TCF4: variants seen among roughly 807,000 people sequenced by gnomAD.
TCF4 encodes the protein transcription factor 4, also known as SL3-3 enhancer factor 2.
Under a neutral mutation model 82.1 loss-of-function variants are expected in TCF4, and 3 were observed. That is an observed-to-expected ratio of 0.04 (90% CI 0.02 to 0.09). The LOEUF is 0.09. Among genes scored for constraint, TCF4 ranks in the 10% least tolerant of loss-of-function variants. The pLI, the probability that TCF4 is intolerant of heterozygous loss-of-function variation, is 1.00. For synonymous variants in TCF4, 276 were observed against 309.6 expected, an observed-to-expected ratio of 0.89 and a Z score of 1.14; for missense variants, 518 against 852.7, an observed-to-expected ratio of 0.61 and a Z score of 4.89.
intron 8 of TCF4, among the ~76,000 whole-genome samples, chr18:55,309,435 T>G (rs954807095): frequency 6.6e-6 from 1 of 152,178 alleles, no homozygotes; most frequent in Non-Finnish European, 1.5e-5. Context: ...ATTTGAATGT[T>G]AATAGCCACA....
chr18:55,307,089 T>C (rs191621157), intron 8 of TCF4, among the ~76,000 whole-genome samples: 1 of 152,310 alleles, frequency 6.6e-6, no homozygotes, highest in East Asian at 1.9e-4. Context: ...TTCCCACACA[T>C]TGTACATCAA....
At chr18:55,461,511 T>C (rs2095867179) in intron 4 of TCF4, among the ~76,000 whole-genome samples, 1 of 152,204 alleles carries the variant, frequency 6.6e-6, no homozygotes. Context: ...AGGCATAGCA[T>C]GCAATGAATT....
chr18:55,261,984 C>T (rs1049020326), intron 11 of TCF4, among the ~76,000 whole-genome samples: 1 of 152,190 alleles, frequency 6.6e-6, no homozygotes, highest in Non-Finnish European at 1.5e-5. Context: ...GTATTCGTCT[C>T]ACAGTCCTAC....
upstream of TCF4, chr18:55,589,827 C>G: frequency 9.9e-7 from 1 of 1,005,132 alleles, no homozygotes; most frequent in Non-Finnish European, 1.2e-6. Context: ...GCTGCGGCCG[C>G]GGCTGCTCCT....
intron 3 of TCF4, chr18:55,496,398 CA>C (rs2096636310): frequency 1.5e-5 from 2 of 130,620 alleles, no homozygotes; most frequent in African/African-American, 5.4e-5. Flanking sequence ...TCCAGTAAAA[CA>C]AAAAAACTAA....
intron 6 of TCF4, among the ~76,000 whole-genome samples, chr18:55,355,614 T>C (rs1267514703): frequency 3.3e-5 from 5 of 152,282 alleles, no homozygotes; most frequent in Middle Eastern, 6.8e-3. Flanking sequence ...AAATTGAAGG[T>C]CAGTCTTTGG....
intron 5 of TCF4, among the ~76,000 whole-genome samples, chr18:55,434,355 T>C (rs1029292163): frequency 1.3e-5 from 2 of 152,042 alleles, no homozygotes; most frequent in African/African-American, 4.8e-5. Flanking sequence ...TGTGATATTG[T>C]TCAAAACTTC....
intron 5 of TCF4, among the ~76,000 whole-genome samples, chr18:55,429,597 T>G (rs554110554): frequency 3.3e-5 from 5 of 151,658 alleles, no homozygotes; most frequent in Admixed American, 1.3e-4. Flanking sequence ...CCATCTCTAC[T>G]AAAAATACAA....
intron 6 of TCF4, among the ~76,000 whole-genome samples, chr18:55,373,555 G>A (rs942853995): frequency 1.3e-5 from 2 of 152,170 alleles, no homozygotes; most frequent in South Asian, 2.1e-4. Flanking sequence ...GCTCACGCCT[G>A]TAATCCCAGC....
At chr18:55,476,816 T>G (rs1319893036) in intron 3 of TCF4, among the ~76,000 whole-genome samples, 1 of 152,212 alleles carries the variant, frequency 6.6e-6, no homozygotes, top group Non-Finnish European at 1.5e-5. Flanking sequence ...ATATTTCAAC[T>G]GTGATTTATA....
intron 8 of TCF4, among the ~76,000 whole-genome samples, chr18:55,335,385 A>G (rs1222548342): frequency 6.6e-6 from 1 of 152,238 alleles, no homozygotes; most frequent in African/African-American, 2.4e-5. Flanking sequence ...GTCCTGTGAT[A>G]AGCAAATAAA....
At chr18:55,419,271 T>C (rs1332633102) in intron 5 of TCF4, among the ~76,000 whole-genome samples, 1 of 152,148 alleles carries the variant, frequency 6.6e-6, no homozygotes, top group East Asian at 1.9e-4. Context: ...TCATTACCAC[T>C]GGAAGAAAGC....
At chr18:55,614,564 G>C (rs1202347190) in intron 2 of TCF4, among the ~76,000 whole-genome samples, 1 of 152,146 alleles carries the variant, frequency 6.6e-6, no homozygotes, top group Non-Finnish European at 1.5e-5. Context: ...TTTGGCATCA[G>C]TATAAAGGTC....
intron 7 of TCF4, 51 bp from the exon 8 acceptor site, chr18:55,350,459 T>A (rs745709084): frequency 8.2e-6 from 13 of 1,592,750 alleles, no homozygotes; most frequent in Non-Finnish European, 1.0e-5. Context: ...TTTTCCTAAC[T>A]AAGATAGGTT....
chr18:55,236,343 G>C (rs1280982534), intron 15 of TCF4, among the ~76,000 whole-genome samples: 1 of 152,112 alleles, frequency 6.6e-6, no homozygotes, highest in African/African-American at 2.4e-5. Context: ...TACTGAGACT[G>C]ATATCTCCCA....
At chr18:55,469,189 T>C (rs1187093605) in intron 3 of TCF4, among the ~76,000 whole-genome samples, 1 of 152,138 alleles carries the variant, frequency 6.6e-6, no homozygotes, top group Non-Finnish European at 1.5e-5. Context: ...ATTGGTCGGG[T>C]GCAATGGCTC....
chr18:55,388,460 A>G (rs1408507748), intron 6 of TCF4, among the ~76,000 whole-genome samples: 1 of 152,222 alleles, frequency 6.6e-6, no homozygotes, highest in African/African-American at 2.4e-5. Context: ...CATTCAAAAT[A>G]TTCTTTTTTG....
At chr18:55,245,286 A>G (rs1490096363) in intron 15 of TCF4, among the ~76,000 whole-genome samples, 3 of 152,200 alleles carry the variant, frequency 2.0e-5, no homozygotes, top group Non-Finnish European at 4.4e-5. Flanking sequence ...AAATAACACA[A>G]CGGCCATGGA....
At chr18:55,582,481 T>A (rs971198534) in intron 3 of TCF4, among the ~76,000 whole-genome samples, 1 of 152,132 alleles carries the variant, frequency 6.6e-6, no homozygotes. Flanking sequence ...AGTCCTTTCC[T>A]GGGTTGACAA....
Sources: allele counts gnomAD v4.1 joint callset (sites outside exome capture counted in the v4.1 genomes callset), GRCh38; gene constraint gnomAD v4.1.1; transcripts MANE v1.5; gene names NCBI Gene and HGNC (gene_info 2026-07-23, HGNC 2026-07-21).